CLPB: variants seen among roughly 807,000 people sequenced by gnomAD.
CLPB encodes the protein ClpB family mitochondrial disaggregase, also known as mitochondrial disaggregase.
Under a neutral mutation model 78.4 loss-of-function variants are expected in CLPB, and 40 were observed. The ratio of observed to expected loss-of-function variants is 0.51; its 90% CI spans 0.40 to 0.66. CLPB has a LOEUF of 0.66. CLPB is among the 30% of genes least tolerant of loss of function. CLPB has a pLI of 0.00. For synonymous variants in CLPB, 333 were observed against 348.0 expected, an observed-to-expected ratio of 0.96 and a Z score of 0.48; for missense variants, 780 against 886.9, an observed-to-expected ratio of 0.88 and a Z score of 1.53.
Position 72,293,348 on chromosome 11 carries a change from A to C in CLPB, c.*19T>G. On this transcript the variant is annotated 3_prime_UTR_variant, in exon 16 of 16. Coordinates refer to ENST00000538039, the MANE Select transcript of CLPB (RefSeq NM_001258392.3). ...CCTTTATTGGATGGTGAGGGCACAT[A>C]GGAGCAGGCAGGTGGCTGCTAGATG... The C allele has an allele frequency of 6.2e-7, 1 of 1,609,946 alleles. No individual in the cohort carries two copies. Among genetic ancestry groups the C allele is most frequent in the Non-Finnish European group, 8.5e-7 (1 of 1,176,956 alleles).
In CLPB at chr11:72,287,324, T is replaced by G. The variant is rs1949402582; in HGVS notation, c.*6043A>C. On this transcript the variant is annotated 3_prime_UTR_variant, in exon 16 of 16. Coordinates refer to ENST00000538039, the MANE Select transcript of CLPB (RefSeq NM_001258392.3). ...AAGTTTAATTAAAAACAATTTTTTA[T>G]TTTTGGGACATGGTCTCGCTCTGTC... 6.6e-6 allele frequency: 1 copy of G among 152,210 alleles called. No individual in the cohort carries two copies. Among genetic ancestry groups the G allele is most frequent in the African/African-American group, 2.4e-5 (1 of 41,446 alleles). The allele number at this position is 152,210 out of a possible 1,614,324, so 9.4% of individuals were successfully genotyped here. A position where few individuals can be genotyped will look rare whatever the true frequency, so the allele number is the denominator to read the frequency against.
chr11:72,408,747 C>T (rs187671205), intron 2 of CLPB, among the ~76,000 whole-genome samples: 4 of 152,112 alleles, frequency 2.6e-5, no homozygotes, highest in Admixed American at 2.0e-4. Flanking sequence ...CTGGGTAGGC[C>T]CCTCCCCTGC....
At chr11:72,309,552 A>G (rs1355782277) in intron 7 of CLPB, among the ~76,000 whole-genome samples, 3 of 152,210 alleles carry the variant, frequency 2.0e-5, no homozygotes, top group African/African-American at 4.8e-5. Context: ...AGAGGAAAGT[A>G]GTATTCTCAA....
At position 72,294,239 on chromosome 11, in the gene CLPB, A is replaced by ATG. The variant is rs59806404; in HGVS notation, c.1680+84_1680+85dup. 71,258 of 1,609,620 alleles carry ATG rather than the reference A, an allele frequency of 0.044. 3,405 individuals carry two copies. Among genetic ancestry groups the ATG allele is most frequent in the African/African-American group, 0.22 (16,458 of 74,824 alleles). ...CCCACACCACTGTGCTCCACCTTTT[A>ATG]TGTGTGTGGGGGTGCCCCCAGTCCA... On this transcript the variant is annotated intron_variant, in intron 14 of 15. Coordinates refer to ENST00000538039, the MANE Select transcript of CLPB (RefSeq NM_001258392.3).
At chr11:72,383,209 A>T (rs538080385) in intron 3 of CLPB, among the ~76,000 whole-genome samples, 42 of 151,668 alleles carry the variant, frequency 2.8e-4, no homozygotes, top group Admixed American at 9.2e-4. Flanking sequence ...ACACCAAGAC[A>T]TATTATAATC....
chr11:72,359,074 T>A, intron 4 of CLPB, 66 bp from the exon 5 acceptor site: 1 of 1,607,408 alleles, frequency 6.2e-7, no homozygotes, highest in Non-Finnish European at 8.5e-7. Flanking sequence ...TCTCACCTGT[T>A]TTCTAGTGGC....
chr11:72,311,680 A>G (rs1179459306), intron 7 of CLPB, among the ~76,000 whole-genome samples: 3 of 152,172 alleles, frequency 2.0e-5, no homozygotes, highest in Non-Finnish European at 2.9e-5. Context: ...TAGTCTTCCA[A>G]TCTGGCCTGC....
chr11:72,303,119 C>T (rs934117459), intron 9 of CLPB, among the ~76,000 whole-genome samples: 3 of 152,148 alleles, frequency 2.0e-5, no homozygotes, highest in Non-Finnish European at 4.4e-5. Context: ...CACTGGTTTT[C>T]AAGAAGCATT....
intron 5 of CLPB, chr11:72,354,612 C>G (rs1950674278): frequency 5.8e-6 from 2 of 342,678 alleles, no homozygotes; most frequent in African/African-American, 4.2e-5. Flanking sequence ...CTCCCTCCCT[C>G]CCACCACACC....
chr11:72,317,087 T>C lies in CLPB; in HGVS notation c.988+19A>G. ...TCAAAGGGCACCACTCTGCCCTTTC[T>C]GGTGTCCCACACACTCACCAGCACC... On this transcript the variant is annotated intron_variant, in intron 7 of 15. Coordinates refer to ENST00000538039, the MANE Select transcript of CLPB (RefSeq NM_001258392.3). 2 of 1,579,930 alleles carry C rather than the reference T, an allele frequency of 1.3e-6. No individual in the cohort carries two copies. The highest frequency in any genetic ancestry group is 1.7e-6 in the Non-Finnish European group (2 of 1,157,750).
chr11:72,297,868 T>A (rs1357777136), intron 11 of CLPB, among the ~76,000 whole-genome samples: 2 of 152,078 alleles, frequency 1.3e-5, no homozygotes, highest in African/African-American at 4.8e-5. Context: ...GGCCTGAGGA[T>A]GGGTCCCAGG....
intron 3 of CLPB, among the ~76,000 whole-genome samples, chr11:72,380,987 C>A (rs1456157951): frequency 6.6e-6 from 1 of 152,210 alleles, no homozygotes; most frequent in Non-Finnish European, 1.5e-5. Flanking sequence ...ACGGCATCAG[C>A]AAGATGGCAG....
rs1565413587 is a variant in CLPB at position 72,286,221 on chromosome 11, C to CTCTTTTTTTTTTTTT, written c.*7145_*7146insAAAAAAAAAAAAAGA. On this transcript the variant is annotated 3_prime_UTR_variant, in exon 16 of 16. Transcript: ENST00000538039. Reference sequence around the variant, plus strand: ...AGATTACAGGTGTGAGATACTGCACCTGTTTTTTTTTTTTTTTTTTTTTTT... The same window carrying CTCTTTTTTTTTTTTT: ...AGATTACAGGTGTGAGATACTGCACCTCTTTTTTTTTTTTTTGTTTTTTTTTTTTTTTTTTTTTTT... The CTCTTTTTTTTTTTTT allele has an allele frequency of 1.7e-5, 1 of 59,120 alleles. No homozygotes were observed. Among genetic ancestry groups the CTCTTTTTTTTTTTTT allele is most frequent in the Admixed American group, 1.4e-4 (1 of 6,992 alleles). 3.7% of individuals were successfully genotyped at this position (59,120 alleles called of 1,614,324 possible).
chr11:72,373,008 C>A lies in CLPB; in HGVS notation c.646+7273G>T, dbSNP rs377766896. ...GATGTGCCGGCTTGCACCGTCCTGTCCCCCATCTGAAGACACAGAGATGGG... is the reference window on the plus strand; with the variant it reads ...GATGTGCCGGCTTGCACCGTCCTGTACCCCATCTGAAGACACAGAGATGGG... On this transcript the variant is annotated intron_variant, in intron 4 of 15. Coordinates refer to ENST00000538039, the MANE Select transcript of CLPB (RefSeq NM_001258392.3). 5 of 1,613,958 alleles carry A rather than the reference C, an allele frequency of 3.1e-6. No individual in the cohort carries two copies. In the Admixed American group the frequency reaches 6.7e-5, roughly 22 times the overall value.
intron 8 of CLPB, 70 bp downstream of exon 8, chr11:72,308,457 G>T: frequency 7.2e-7 from 1 of 1,382,502 alleles, no homozygotes. Flanking sequence ...CGCAGCAGCT[G>T]GGGCTGTCAG....
chr11:72,429,071 T>C (rs1856469632), intron 2 of CLPB: 1 of 152,208 alleles, frequency 6.6e-6, no homozygotes, highest in South Asian at 2.1e-4. Flanking sequence ...CCCGTACTCC[T>C]GTACTGCAGC....
At chr11:72,371,292 G>A (rs900629782) in intron 4 of CLPB, among the ~76,000 whole-genome samples, 2 of 152,042 alleles carry the variant, frequency 1.3e-5, no homozygotes, top group Admixed American at 6.6e-5. Context: ...CACTTTGGGA[G>A]GCCAAGGTGG....
intron 2 of CLPB, among the ~76,000 whole-genome samples, chr11:72,409,281 G>A (rs887772751): frequency 1.3e-5 from 2 of 152,054 alleles, no homozygotes; most frequent in Non-Finnish European, 1.5e-5. Flanking sequence ...AGAGTAGACC[G>A]CATTAGAAGT....
intron 11 of CLPB, among the ~76,000 whole-genome samples, chr11:72,298,141 C>T (rs1949589965): frequency 6.6e-6 from 1 of 152,126 alleles, no homozygotes; most frequent in Non-Finnish European, 1.5e-5. Flanking sequence ...GGACTAGTCT[C>T]TTTCTGGGAC....
Sources: allele counts gnomAD v4.1 joint callset (sites outside exome capture counted in the v4.1 genomes callset), GRCh38; gene constraint gnomAD v4.1.1; transcripts MANE v1.5; gene names NCBI Gene and HGNC (gene_info 2026-07-23, HGNC 2026-07-21).